Variants in DOK6 observed in about 807,000 individuals in gnomAD.
The protein encoded by DOK6 is downstream of tyrosine kinase 6.
In DOK6, 22 loss-of-function variants were observed where a neutral mutation model predicts 44.0. The ratio of observed to expected loss-of-function variants is 0.50; its 90% confidence interval spans 0.36 to 0.71. The LOEUF (loss-of-function observed/expected upper bound fraction) is 0.71, where lower values mean the gene tolerates loss of function less well. DOK6 is among the 30% of genes least tolerant of loss of function. The pLI is 0.00. For missense variants in DOK6, 340 were observed against 416.4 expected, an observed-to-expected ratio of 0.82 and a Z score of 1.60; for synonymous variants, 166 against 145.5, an observed-to-expected ratio of 1.14 and a Z score of -1.01.
intron 1 of DOK6, among the ~76,000 whole-genome samples, chr18:69,501,510 G>A (rs982023186): frequency 3.3e-5 from 5 of 152,152 alleles, no homozygotes; most frequent in Admixed American, 1.3e-4. Context: ...TCAAGGAAGA[G>A]CACGTACTGA....
chr18:69,553,521 T>G (rs548119842), intron 1 of DOK6, among the ~76,000 whole-genome samples: 20 of 152,286 alleles, frequency 1.3e-4, no homozygotes, highest in African/African-American at 4.8e-4. Flanking sequence ...ATAGCACCAC[T>G]TGGTTTTGTG....
chr18:69,469,102 T>C (rs941722840), intron 1 of DOK6, among the ~76,000 whole-genome samples: 2 of 152,204 alleles, frequency 1.3e-5, no homozygotes, highest in African/African-American at 2.4e-5. Flanking sequence ...GACTTTGATA[T>C]TGCTGATAGT....
At chr18:69,412,344 A>G (rs2122392146) in intron 1 of DOK6, among the ~76,000 whole-genome samples, 1 of 152,266 alleles carries the variant, frequency 6.6e-6, no homozygotes, top group African/African-American at 2.4e-5. Context: ...AAAACAAGTT[A>G]TCTACCTCCA....
rs187824244 is a variant in DOK6, at chr18:69,768,170, C to T, written c.856+10297C>T. On this transcript the variant is annotated intron_variant, in intron 7 of 7. Transcript: ENST00000382713. Reference sequence around the variant, plus strand: ...GTCAAATAAATTATACATATATATTCGATTTTATTCAGAAGGGAATAAACA... The same window carrying T: ...GTCAAATAAATTATACATATATATTTGATTTTATTCAGAAGGGAATAAACA... Among the ~76,000 whole-genome samples the T allele has an allele frequency of 1.7e-4, 26 of 152,076 alleles. No homozygotes were observed. The East Asian group carries it at 2.9e-3, about 17-fold the overall frequency.
At chr18:69,586,322 C>T (rs1018576945) in intron 2 of DOK6, among the ~76,000 whole-genome samples, 3 of 152,082 alleles carry the variant, frequency 2.0e-5, no homozygotes, top group African/African-American at 7.2e-5. Context: ...GAGGGTGACC[C>T]GGAGACTCCT....
intron 1 of DOK6, among the ~76,000 whole-genome samples, chr18:69,482,768 C>G (rs1180186461): frequency 6.6e-6 from 1 of 151,514 alleles, no homozygotes; most frequent in African/African-American, 2.4e-5. Flanking sequence ...AAATAAGAAA[C>G]TATATGAAAA....
At chr18:69,769,514 T>C (rs111266560) in intron 7 of DOK6, among the ~76,000 whole-genome samples, 14 of 152,230 alleles carry the variant, frequency 9.2e-5, no homozygotes, top group African/African-American at 3.4e-4. Context: ...TAAATTTCTT[T>C]TTAAAATATT....
rs144797267 is a variant in DOK6, at chr18:69,712,349, T to A, written c.599+13756T>A. On this transcript the variant is annotated intron_variant, in intron 5 of 7. Coordinates refer to ENST00000382713, the MANE Select transcript of DOK6 (RefSeq NM_152721.6). ...AAATTTAACCTTTTCCGAATCACAT[T>A]TGTGTAGAAAATCAATTCTGTGAAG... 9.4e-3 allele frequency among the ~76,000 whole-genome samples: 1,251 copies of A among 133,086 alleles called. 84 individuals are homozygous for A. Among genetic ancestry groups the A allele is most frequent in the African/African-American group, 0.036 (1,189 of 33,436 alleles). The allele number at this position is 133,086 out of a possible 152,430, so 87.3% of individuals were successfully genotyped here.
At chr18:69,741,853 C>G (rs1333580555) in intron 6 of DOK6, among the ~76,000 whole-genome samples, 1 of 152,044 alleles carries the variant, frequency 6.6e-6, no homozygotes. Flanking sequence ...TAAATACTCT[C>G]TAACTCTTCA....
chr18:69,460,192 A>T (rs1366495182), intron 1 of DOK6, among the ~76,000 whole-genome samples: 3 of 152,150 alleles, frequency 2.0e-5, no homozygotes, highest in African/African-American at 4.8e-5. Context: ...GAAAATGCAA[A>T]ATGATTGATG....
chr18:69,715,502 G>C (rs1054204743), intron 5 of DOK6, among the ~76,000 whole-genome samples: 1 of 152,222 alleles, frequency 6.6e-6, no homozygotes, highest in Non-Finnish European at 1.5e-5. Flanking sequence ...TAGAGGCAGA[G>C]GCATCAATCA....
chr18:69,439,600 G>T (rs1979080922), intron 1 of DOK6, among the ~76,000 whole-genome samples: 1 of 152,194 alleles, frequency 6.6e-6, no homozygotes, highest in Non-Finnish European at 1.5e-5. Flanking sequence ...TCACTTTTGT[G>T]TTATAGAGAT....
At chr18:69,697,138 T>TG (rs1986407141) in intron 4 of DOK6, among the ~76,000 whole-genome samples, 1 of 152,086 alleles carries the variant, frequency 6.6e-6, no homozygotes, top group Non-Finnish European at 1.5e-5. Flanking sequence ...AAATATTTTT[T>TG]TTGGCATCAG....
At chr18:69,565,389 A>G (rs909168989) in intron 2 of DOK6, among the ~76,000 whole-genome samples, 5 of 151,960 alleles carry the variant, frequency 3.3e-5, no homozygotes, top group Non-Finnish European at 7.4e-5. Flanking sequence ...AATAACTAGT[A>G]TTTATTATTA....
chr18:69,567,617 G>T (rs569004039), intron 2 of DOK6, among the ~76,000 whole-genome samples: 68 of 152,224 alleles, frequency 4.5e-4, no homozygotes, highest in Non-Finnish European at 6.6e-4. Context: ...TTTAAGCCTG[G>T]GTCTGGCATT....
At chr18:69,449,440 C>T (rs893418286) in intron 1 of DOK6, among the ~76,000 whole-genome samples, 1 of 152,122 alleles carries the variant, frequency 6.6e-6, no homozygotes, top group African/African-American at 2.4e-5. Context: ...ATCTTAATAG[C>T]ATATGTTATC....
intron 1 of DOK6, among the ~76,000 whole-genome samples, chr18:69,435,201 A>G (rs1178962795): frequency 1.3e-5 from 2 of 152,200 alleles, no homozygotes; most frequent in Non-Finnish European, 2.9e-5. Context: ...ATGGGCCTTC[A>G]GAGTTGTCAC....
At chr18:69,610,168 CAAT>C (rs1984104162) in intron 3 of DOK6, among the ~76,000 whole-genome samples, 1 of 151,864 alleles carries the variant, frequency 6.6e-6, no homozygotes, top group Non-Finnish European at 1.5e-5. Flanking sequence ...GTTCTTATAA[CAAT>C]AAAATAAAAT....
intron 7 of DOK6, among the ~76,000 whole-genome samples, chr18:69,824,183 T>A (rs1001179258): frequency 1.8e-5 from 1 of 54,292 alleles, no homozygotes; most frequent in Non-Finnish European, 4.7e-5. Context: ...CTCCTAATGC[T>A]ATCCCTCCCC....
Sources: gnomAD v4.1 joint callset for allele counts (sites outside exome capture counted in the v4.1 genomes callset) on GRCh38, gnomAD v4.1.1 for gene constraint, MANE v1.5 for transcripts, NCBI Gene and HGNC (gene_info 2026-07-23, HGNC 2026-07-21) for gene names.